The following GET4 variants were observed in gnomAD, a reference collection of about 807,000 sequenced individuals.
GET4 encodes Golgi to ER traffic protein 4 homolog.
Under a neutral mutation model 40.0 loss-of-function variants are expected in GET4, and 20 were observed. The ratio of observed to expected loss-of-function variants is 0.50; its 90% CI spans 0.35 to 0.73. The LOEUF (loss-of-function observed/expected upper bound fraction) is 0.73, where lower values mean the gene tolerates loss of function less well. GET4 is among the 30% of genes least tolerant of loss of function. GET4 has a pLI of 0.01. For synonymous variants in GET4, 280 were observed against 194.6 expected (o/e 1.44, Z -3.65); for missense variants, 557 against 454.0 (o/e 1.23, Z -2.06).
At chr7:878,610 G>T (rs1340541278) in intron 1 of GET4, among the ~76,000 whole-genome samples, 1 of 136,056 alleles carries the variant, frequency 7.3e-6, no homozygotes, top group Non-Finnish European at 1.5e-5. Flanking sequence ...GTCTCGCTCT[G>T]TCCTCTGTCC....
In GET4 at chr7:892,317, C is replaced by T. The variant is rs187709513; in HGVS notation, c.645C>T (p.Val215=). 1,671 of 1,594,456 alleles carry T rather than the reference C, an allele frequency of 1.0e-3. 24 individuals carry two copies. The Admixed American group carries it at 0.027, about 25-fold the overall frequency. Residue 215 remains valine (V), a synonymous_variant, in exon 6 of 9, where the codon GTC becomes GTT. Coordinates refer to ENST00000265857, the MANE Select transcript of GET4 (RefSeq NM_015949.3). ...CLKNKSSASV[V]FTTYTQKHPS... Reference sequence around the variant, plus strand: ...AAAACAAAAGTAGCGCATCGGTGGTCTTCACGACGTACACCCAGAAGCACC... The same window carrying T: ...AAAACAAAAGTAGCGCATCGGTGGTTTTCACGACGTACACCCAGAAGCACC...
Position 886,720 on chromosome 7 carries a change from C to A in GET4, c.316+70C>A, listed in dbSNP as rs1025986154. On this transcript the variant is annotated intron_variant, in intron 3 of 8. Coordinates refer to ENST00000265857, the MANE Select transcript of GET4 (RefSeq NM_015949.3). Reference sequence around the variant, plus strand: ...CAGTACGCCCCTCCCCGGGTCTCTGCGCTGTGTTTCGTGTCTGCGTTTGGG... The same window carrying A: ...CAGTACGCCCCTCCCCGGGTCTCTGAGCTGTGTTTCGTGTCTGCGTTTGGG... 4 of 994,002 alleles carry A rather than the reference C, an allele frequency of 4.0e-6. No homozygotes were observed. The African/African-American group carries it at 6.3e-5, about 16-fold the overall frequency. 61.6% of individuals were successfully genotyped at this position (994,002 alleles called of 1,614,324 possible). A position where few individuals can be genotyped will look rare whatever the true frequency, so the allele number is the denominator to read the frequency against.
chr7:893,060 G>A (rs545346599), intron 6 of GET4, among the ~76,000 whole-genome samples: 169 of 144,680 alleles, frequency 1.2e-3, no homozygotes, highest in African/African-American at 4.2e-3. Flanking sequence ...GGGTGTGGGC[G>A]TGGTGGTGTG....
chr7:880,385 A>G (rs1030800906), intron 1 of GET4: 9 of 152,218 alleles, frequency 5.9e-5, no homozygotes, highest in Admixed American at 4.6e-4. Context: ...GCAAAAATGG[A>G]TCTCCCCCGA....
At chr7:884,222 C>T in intron 1 of GET4, 1 of 1,303,930 alleles carries the variant, frequency 7.7e-7, no homozygotes, top group Non-Finnish European at 1.0e-6. Flanking sequence ...CTGCCCGTGG[C>T]CCCACTGGCG....
intron 1 of GET4, among the ~76,000 whole-genome samples, chr7:878,683 A>G (rs1370792303): frequency 1.3e-5 from 2 of 150,214 alleles, no homozygotes; most frequent in South Asian, 2.1e-4. Flanking sequence ...AGTTCAAGCT[A>G]TATTCTCCTG....
At chr7:888,134 C>G (rs1021541036) in intron 4 of GET4, among the ~76,000 whole-genome samples, 2 of 152,176 alleles carry the variant, frequency 1.3e-5, no homozygotes, top group Non-Finnish European at 2.9e-5. Flanking sequence ...CGTCAGGAGG[C>G]CTGCTCGGGT....
Position 876,696 on chromosome 7 carries a change from C to A in GET4, c.51C>A (p.Gly17=). 7.4e-7 allele frequency: 1 copy of A among 1,354,416 alleles called. No individual in the cohort carries two copies. 83.9% of individuals were successfully genotyped at this position (1,354,416 alleles called of 1,614,324 possible). Reference sequence around the variant, plus strand: ...AGCAGGAGAGCGCCCGGAACGGCGGCCGCAACCGCGGCGGCGTCCAGCGTG... The same window carrying A: ...AGCAGGAGAGCGCCCGGAACGGCGGACGCAACCGCGGCGGCGTCCAGCGTG... ...MAEQESARNG[G]RNRGGVQRVE... is the part of the protein sequence containing the mutation. Residue 17 remains glycine, a synonymous_variant, in exon 1 of 9, where the codon GGC becomes GGA. Coordinates refer to ENST00000265857, the MANE Select transcript of GET4 (RefSeq NM_015949.3).
intron 1 of GET4, among the ~76,000 whole-genome samples, chr7:879,008 A>G (rs938583635): frequency 1.3e-5 from 2 of 151,398 alleles, no homozygotes; most frequent in East Asian, 3.9e-4. Flanking sequence ...TCAGGGACCC[A>G]TCACTCACAT....
Position 885,970 on chromosome 7 carries a change from G to A in GET4, c.156-86G>A. ...GATGCCACCTGTTCCTGGGCGCCTT[G>A]TTTTTAGCTTCTGACCTGAAGATGA... On this transcript the variant is annotated intron_variant, in intron 1 of 8. Coordinates refer to ENST00000265857, the MANE Select transcript of GET4 (RefSeq NM_015949.3). 1.8e-5 allele frequency: 15 copies of A among 852,050 alleles called. No homozygotes were observed. In the South Asian group the frequency reaches 2.0e-4, roughly 11 times the overall value. 52.8% of individuals were successfully genotyped at this position (852,050 alleles called of 1,614,324 possible).
At chr7:889,293 C>G (rs1422571017) in intron 4 of GET4, among the ~76,000 whole-genome samples, 1 of 152,242 alleles carries the variant, frequency 6.6e-6, no homozygotes, top group Non-Finnish European at 1.5e-5. Context: ...CAGGCCTGCT[C>G]CACGGCAAGG....
chr7:878,615 C>G (rs77918115), intron 1 of GET4, among the ~76,000 whole-genome samples: 1 of 146,694 alleles, frequency 6.8e-6, no homozygotes, highest in Non-Finnish European at 1.5e-5. Flanking sequence ...GCTCTGTCCT[C>G]TGTCCCAGGC....
intron 4 of GET4, 38 bp from the exon 5 acceptor site, chr7:890,890 G>A (rs766136653): frequency 3.9e-5 from 59 of 1,505,592 alleles, no homozygotes; most frequent in South Asian, 1.0e-4. Flanking sequence ...TGTTATATTC[G>A]TGAAATGTAT....
chr7:887,572 T>G (rs1484831874), intron 4 of GET4, 53 bp downstream of exon 4: 1 of 1,390,656 alleles, frequency 7.2e-7, no homozygotes, highest in African/African-American at 1.4e-5. Context: ...CGGCGTTGAT[T>G]TGCACTGTGC....
In GET4 at chr7:893,949, G is replaced by A. The variant is rs762060964; in HGVS notation, c.873G>A (p.Thr291=). 2.3e-5 allele frequency: 37 copies of A among 1,604,840 alleles called. No homozygotes were observed. The highest frequency in any genetic ancestry group is 1.3e-4 in the South Asian group (12 of 90,330). Residue 291 remains threonine (T), a synonymous_variant, in exon 8 of 9, where the codon ACG becomes ACA. Transcript: ENST00000265857. ...TCTTCGGCGTCCCGCCCAAGCAGAC[G>A]TCTTCCTACGGGGGCCTGCTCGGTA... The part of the protein sequence containing the change: ...QLFFGVPPKQ[T]SSYGGLLGNL...
At position 895,755 on chromosome 7, in the gene GET4, C is replaced by G. The variant is rs941937261; in HGVS notation, c.*333C>G. 1 of 185,940 alleles carries G rather than the reference C, an allele frequency of 5.4e-6. No individual in the cohort carries two copies. 11.5% of individuals were successfully genotyped at this position (185,940 alleles called of 1,614,324 possible). A position where few individuals can be genotyped will look rare whatever the true frequency, so the allele number is the denominator to read the frequency against. On this transcript the variant is annotated 3_prime_UTR_variant, in exon 9 of 9. Transcript: ENST00000265857. ...AGGGCTGATGGGCAGCACAGGAGGC[C>G]CGTCCTCGGGGGGCTGCGCACATCA...
intron 6 of GET4, among the ~76,000 whole-genome samples, chr7:893,503 ATGG>A (rs1203460521): frequency 5.1e-4 from 16 of 31,586 alleles, no homozygotes; most frequent in South Asian, 1.3e-3. Context: ...GGGTGCGGGC[ATGG>A]TGGTTGCAGG....
intron 2 of GET4, 187 bp downstream of exon 2, chr7:886,321 C>T: frequency 1.6e-6 from 1 of 609,902 alleles, no homozygotes; most frequent in Non-Finnish European, 2.9e-6. Context: ...GACTGGGGCT[C>T]TGCGCTGCGT....
rs774425281 is a variant in GET4, at chr7:895,393, A to G, written c.955A>G (p.Ser319Gly). ...GCAGGAGGATGGGGAGGAGAGCCCC[A>G]GCGACGGCAGCCCCATCGAGCTGGA... ...SEQEDGEESP[S>G]DGSPIELD The change falls in exon 9 of 9, where the codon AGC becomes GGC. Residue 319 changes from serine (S) to glycine (G), a missense_variant. Ser to Gly is a moderately conservative substitution (Grantham distance 56, BLOSUM62 0). Transcript: ENST00000265857. 4.3e-5 allele frequency: 69 copies of G among 1,593,572 alleles called. No homozygotes were observed. The East Asian group carries it at 1.5e-3, about 35-fold the overall frequency.
Sources: gnomAD v4.1 joint callset for allele counts (sites outside exome capture counted in the v4.1 genomes callset) on GRCh38, gnomAD v4.1.1 for gene constraint, MANE v1.5 for transcripts, NCBI Gene and HGNC (gene_info 2026-07-23, HGNC 2026-07-21) for gene names.